AARS1: variants seen among roughly 807,000 people sequenced by gnomAD.
The protein encoded by AARS1 is alanyl-tRNA synthetase 1, also known as alanine--tRNA ligase, cytoplasmic.
Under a neutral mutation model 108.9 loss-of-function variants are expected in AARS1, and 72 were observed. That is an observed-to-expected ratio of 0.66 (90% confidence interval 0.55 to 0.80). The LOEUF is 0.80. Among genes scored for constraint, AARS1 ranks in the 30% least tolerant of loss-of-function variants. AARS1 has a pLI of 0.00. For synonymous variants in AARS1, 489 were observed against 465.7 expected, an observed-to-expected ratio of 1.05 and a Z score of -0.64; for missense variants, 1,193 against 1,233.2, an observed-to-expected ratio of 0.97 and a Z score of 0.49.
At chr16:70,284,489 T>C (rs1276630712) in intron 1 of AARS1, among the ~76,000 whole-genome samples, 13 of 142,684 alleles carry the variant, frequency 9.1e-5, no homozygotes, top group South Asian at 2.3e-4. Flanking sequence ...GTAGTCCCAG[T>C]TACTCGGAAA....
At chr16:70,259,383 T>A (rs140309085) in intron 13 of AARS1, among the ~76,000 whole-genome samples, 197 bp from the exon 14 acceptor site, 1 of 152,336 alleles carries the variant, frequency 6.6e-6, no homozygotes, top group Admixed American at 6.5e-5. Flanking sequence ...ACAGAAGTGA[T>A]GTCTACCATT....
rs151091410 is a variant in AARS1, at chr16:70,282,700, C to T, written c.64G>A (p.Glu22Lys). 9.9e-4 allele frequency: 1,599 copies of T among 1,614,064 alleles called. 21 individuals are homozygous for T. In the African/African-American group the frequency reaches 0.018, roughly 18 times the overall value. The change falls in exon 2 of 21, where the codon GAG (glutamate) becomes AAG (lysine). Residue 22 changes from glutamate (E) to lysine (K), a missense_variant. Glu to Lys is a moderately conservative substitution (Grantham distance 56, BLOSUM62 1). Transcript: ENST00000261772. Reference protein sequence around the residue: ...QRFIDFFKRNEHTYVHSSATI... With the variant: ...QRFIDFFKRNKHTYVHSSATI... ...GCAGACGAGTGAACATACGTATGCT[C>T]GTTCCTCTTGAAGAAATCTATAAAT... is the stretch of plus-strand genomic sequence containing the variant.
At chr16:70,287,930 T>G (rs1285719379) in intron 1 of AARS1, among the ~76,000 whole-genome samples, 4 of 150,300 alleles carry the variant, frequency 2.7e-5, no homozygotes, top group Non-Finnish European at 5.9e-5. Context: ...CACACCTAGC[T>G]AATTTTGTAT....
At position 70,254,711 on chromosome 16, in the gene AARS1, C is replaced by T. The variant is rs1341075826; in HGVS notation, c.2310G>A (p.Leu770=). ...CTTCCATGACAGAGAGACATTTCTT[C>T]AAGCTCTCTGCTTTCCTGAGGGCCT... ...AQKALRKAES[L]KKCLSVMEAK... The change falls in exon 17 of 21, where the codon TTG becomes TTA. Residue 770 remains leucine, a synonymous_variant. Transcript: ENST00000261772. 6.2e-7 allele frequency: 1 copy of T among 1,613,720 alleles called. No homozygotes were observed. The highest frequency in any genetic ancestry group is 1.3e-5 in the African/African-American group (1 of 74,932).
At chr16:70,279,903 C>T (rs368068311) in intron 2 of AARS1, among the ~76,000 whole-genome samples, 2 of 151,578 alleles carry the variant, frequency 1.3e-5, no homozygotes, top group African/African-American at 2.4e-5. Flanking sequence ...CTTTTTTTTC[C>T]ATTTTGAGAC....
At position 70,282,661 on chromosome 16, in the gene AARS1, C is replaced by T; in HGVS notation, c.103G>A (p.Asp35Asn). The change falls in exon 2 of 21, where the codon GAT (aspartate) becomes AAT (asparagine). Residue 35 changes from aspartate to asparagine, a missense_variant. Coordinates refer to ENST00000261772, the MANE Select transcript of AARS1 (RefSeq NM_001605.3). ...TTGGCAAAGAGCAAAGTGGGGTCATCCAATGGGATGGTGGCAGACGAGTGA... is the reference window on the plus strand; with the variant it reads ...TTGGCAAAGAGCAAAGTGGGGTCATTCAATGGGATGGTGGCAGACGAGTGA... Reference protein sequence around the residue: ...YVHSSATIPLDDPTLLFANAG... With the variant: ...YVHSSATIPLNDPTLLFANAG... The T allele has an allele frequency of 6.2e-7, 1 of 1,614,152 alleles. No homozygotes were observed. The highest frequency in any genetic ancestry group is 8.5e-7 in the Non-Finnish European group (1 of 1,180,040).
chr16:70,265,619 C>T lies in AARS1; in HGVS notation c.1266G>A (p.Val422=), dbSNP rs1412329004. Residue 422 remains valine, a synonymous_variant, in exon 10 of 21, where the codon GTG becomes GTA. Coordinates refer to ENST00000261772, the MANE Select transcript of AARS1 (RefSeq NM_001605.3). The part of the protein sequence containing the change: ...WLLYDTYGFP[V]DLTGLIAEEK... ...CTTCAGCAATCAGTCCAGTCAGATC[C>T]ACTGGAAACCCATAGGTGTCATAGA... is the stretch of plus-strand genomic sequence containing the variant. The T allele has an allele frequency of 2.5e-6, 4 of 1,613,864 alleles. No individual in the cohort carries two copies. In the South Asian group the frequency reaches 4.4e-5, roughly 18 times the overall value.
intron 19 of AARS1, 131 bp downstream of exon 19, chr16:70,253,583 C>G (rs1163012253): frequency 1.7e-6 from 2 of 1,179,474 alleles, no homozygotes; most frequent in Non-Finnish European, 2.5e-6. Context: ...CAGGGAGCTG[C>G]TGCTCCTCCC....
intron 4 of AARS1, 85 bp from the exon 5 acceptor site, chr16:70,272,057 A>G: frequency 7.4e-7 from 1 of 1,345,700 alleles, no homozygotes; most frequent in South Asian, 1.2e-5. Flanking sequence ...AGAAATTCTT[A>G]GGATTGGCCG....
intron 2 of AARS1, 22 bp from the exon 3 acceptor site, chr16:70,277,176 T>C: frequency 1.2e-6 from 2 of 1,613,058 alleles, no homozygotes; most frequent in South Asian, 2.2e-5. Flanking sequence ...GGACAGCAGT[T>C]CAACTTTTAA....
intron 5 of AARS1, 60 bp downstream of exon 5, chr16:70,271,721 C>G: frequency 6.5e-7 from 1 of 1,543,044 alleles, no homozygotes; most frequent in Non-Finnish European, 8.9e-7. Flanking sequence ...CTACACAGCT[C>G]CGAGTTCCTC....
At chr16:70,286,362 ATTTTTTTTTTTT>A (rs1000406265) in intron 1 of AARS1, among the ~76,000 whole-genome samples, 1 of 117,106 alleles carries the variant, frequency 8.5e-6, no homozygotes, top group Non-Finnish European at 1.7e-5. Context: ...CTCCACAGGA[ATTTTTTTTTTTT>A]TTTTTTTTTT....
At chr16:70,255,984 A>G in intron 15 of AARS1, 148 bp from the exon 16 acceptor site, 2 of 710,640 alleles carry the variant, frequency 2.8e-6, no homozygotes, top group Non-Finnish European at 4.9e-6. Flanking sequence ...GCGGGACACC[A>G]GCTCGCTGAG....
chr16:70,270,321 T>C lies in AARS1; in HGVS notation c.691A>G (p.Lys231Glu). The change falls in exon 6 of 21, where the codon AAA (lysine) becomes GAA (glutamate). Residue 231 changes from lysine to glutamate, a missense_variant. By Grantham distance (56) the Lys-to-Glu change is moderately conservative (BLOSUM62 1). Coordinates refer to ENST00000261772, the MANE Select transcript of AARS1 (RefSeq NM_001605.3). ...TCAATGCTTTTCTTGGGAAGAGGTT[T>C]CAGAATGCCATCAGCTTCCCTGTAT... ...QYNREADGIL[K>E]PLPKKSIDTG... is the part of the protein sequence containing the mutation. 1 of 1,614,154 alleles carries C rather than the reference T, an allele frequency of 6.2e-7. No homozygotes were observed. The highest frequency in any genetic ancestry group is 8.5e-7 in the Non-Finnish European group (1 of 1,180,040).
At chr16:70,265,792 CCATCAGAAAATCCAGCA>C (rs1336963345) in intron 9 of AARS1, 130 bp from the exon 10 acceptor site, 2 of 912,124 alleles carry the variant, frequency 2.2e-6, no homozygotes, top group Non-Finnish European at 3.2e-6. Flanking sequence ...CCCTGTGTGC[CCATCAGAAAATCCAGCA>C]CATCTTTTTC....
intron 11 of AARS1, among the ~76,000 whole-genome samples, chr16:70,262,783 A>G (rs1434145128): frequency 5.9e-5 from 9 of 151,808 alleles, no homozygotes; most frequent in Non-Finnish European, 1.5e-5. Context: ...CCTGGCTAAC[A>G]CGCTGAAACC....
chr16:70,269,591 A>C (rs2152161617), intron 7 of AARS1, 27 bp downstream of exon 7: 1 of 1,612,966 alleles, frequency 6.2e-7, no homozygotes, highest in Non-Finnish European at 8.5e-7. Flanking sequence ...GCCGCTCCAA[A>C]CACCACCCAG....
chr16:70,259,649 A>G (rs761529210), intron 13 of AARS1, among the ~76,000 whole-genome samples: 1 of 151,660 alleles, frequency 6.6e-6, no homozygotes, highest in African/African-American at 2.4e-5. Flanking sequence ...CCCCCAACTA[A>G]TATTTTTTAT....
At chr16:70,269,186 G>A (rs1960333335) in intron 7 of AARS1, among the ~76,000 whole-genome samples, 4 of 152,038 alleles carry the variant, frequency 2.6e-5, no homozygotes, top group Admixed American at 2.6e-4. Context: ...TAGGCATGGT[G>A]GCTCATGCCT....
Sources: gnomAD v4.1 joint callset for allele counts (sites outside exome capture counted in the v4.1 genomes callset) on GRCh38, gnomAD v4.1.1 for gene constraint, MANE v1.5 for transcripts, NCBI Gene and HGNC (gene_info 2026-07-23, HGNC 2026-07-21) for gene names.